Variants in GRID2 observed in about 807,000 individuals in gnomAD.
The protein encoded by GRID2 is glutamate ionotropic receptor delta type subunit 2, also known as glutamate receptor ionotropic, delta-2.
GRID2 carries 33 observed loss-of-function variants against 114.8 expected under a neutral mutation model. That is an observed-to-expected ratio of 0.29 (90% CI 0.22 to 0.38). The LOEUF (loss-of-function observed/expected upper bound fraction) is 0.38. Among genes scored for constraint, GRID2 ranks in the 10% least tolerant of loss-of-function variants. The pLI is 1.00. For missense variants in GRID2, 1,184 were observed against 1,257.7 expected (o/e 0.94, Z 0.89); for synonymous variants, 505 against 449.9 (o/e 1.12, Z -1.55).
intron 1 of GRID2, among the ~76,000 whole-genome samples, chr4:92,434,317 C>T (rs1295173444): frequency 1.3e-5 from 2 of 152,176 alleles, no homozygotes; most frequent in Non-Finnish European, 2.9e-5. Flanking sequence ...GTAACAGAGG[C>T]ATTTCCTCAC....
At chr4:92,330,860 C>T (rs1264051202) in intron 1 of GRID2, among the ~76,000 whole-genome samples, 2 of 152,008 alleles carry the variant, frequency 1.3e-5, no homozygotes, top group African/African-American at 2.4e-5. Flanking sequence ...TTTTCAAACT[C>T]ATCTTCTCAA....
chr4:93,105,021 C>G (rs1386206958), intron 3 of GRID2, among the ~76,000 whole-genome samples: 2 of 151,978 alleles, frequency 1.3e-5, no homozygotes, highest in Non-Finnish European at 1.5e-5. Flanking sequence ...GAGATGGTAT[C>G]TCATTGTGGT....
rs1408380830 is a variant in GRID2 at position 93,042,388 on chromosome 4, G to A, written c.245-42607G>A. Reference sequence around the variant, plus strand: ...ACTTAAAGTATAATTTTATATATATGTGTATATATACATACATACATATAT... The same window carrying A: ...ACTTAAAGTATAATTTTATATATATATGTATATATACATACATACATATAT... On this transcript the variant is annotated intron_variant, in intron 2 of 15. Transcript: ENST00000282020. 5.6e-5 allele frequency among the ~76,000 whole-genome samples: 8 copies of A among 143,920 alleles called. No individual in the cohort carries two copies. In the Admixed American group the frequency reaches 5.7e-4, roughly 10 times the overall value. 94.4% of individuals were successfully genotyped at this position (143,920 alleles called of 152,430 possible). A position where few individuals can be genotyped will look rare whatever the true frequency, so the allele number is the denominator to read the frequency against.
At chr4:92,503,826 A>G (rs1005854459) in intron 1 of GRID2, among the ~76,000 whole-genome samples, 9 of 152,152 alleles carry the variant, frequency 5.9e-5, no homozygotes, top group African/African-American at 2.2e-4. Context: ...AGGGATCTCT[A>G]ACAGATCTAT....
chr4:93,095,060 TAAC>T (rs1300326035), intron 3 of GRID2, among the ~76,000 whole-genome samples: 2 of 151,882 alleles, frequency 1.3e-5, no homozygotes, highest in South Asian at 2.1e-4. Context: ...ATGAGAAAGT[TAAC>T]AAAGTCTAAA....
At chr4:92,718,881 A>C (rs1735675297) in intron 2 of GRID2, among the ~76,000 whole-genome samples, 1 of 152,102 alleles carries the variant, frequency 6.6e-6, no homozygotes, top group African/African-American at 2.4e-5. Flanking sequence ...TTTTTATTAA[A>C]GATTAAAATC....
At chr4:93,722,659 TGGA>T (rs1308363119) in intron 14 of GRID2, among the ~76,000 whole-genome samples, 1 of 152,204 alleles carries the variant, frequency 6.6e-6, no homozygotes, top group Non-Finnish European at 1.5e-5. Flanking sequence ...CCCATATTTA[TGGA>T]TCACTTCCTG....
At chr4:92,985,986 T>C (rs150972740) in intron 2 of GRID2, among the ~76,000 whole-genome samples, 4 of 152,298 alleles carry the variant, frequency 2.6e-5, no homozygotes, top group Non-Finnish European at 4.4e-5. Flanking sequence ...CTCATGCATA[T>C]AACTTATGAG....
intron 11 of GRID2, among the ~76,000 whole-genome samples, chr4:93,478,468 CAT>C (rs757874305): frequency 1.7e-4 from 26 of 151,774 alleles, no homozygotes; most frequent in South Asian, 4.1e-4. Flanking sequence ...TTTGAAATAA[CAT>C]ATTTTTATTT....
chr4:92,455,549 G>C lies in GRID2; in HGVS notation c.89-134582G>C, dbSNP rs138395946. ...GATGTCAGAAGAATGAGGTGTGAGCGAGAGGGAAACCGCACAGGAAGAGCG... is the reference window on the plus strand; with the variant it reads ...GATGTCAGAAGAATGAGGTGTGAGCCAGAGGGAAACCGCACAGGAAGAGCG... On this transcript the variant is annotated intron_variant, in intron 1 of 15. Coordinates refer to ENST00000282020, the MANE Select transcript of GRID2 (RefSeq NM_001510.4). Among the ~76,000 whole-genome samples, 11 of 152,224 alleles carry C rather than the reference G, an allele frequency of 7.2e-5. No individual in the cohort carries two copies. The East Asian group carries it at 2.1e-3, about 29-fold the overall frequency.
rs570373576 is a variant in GRID2, at chr4:93,198,647, G to T, written c.736-8757G>T. Among the ~76,000 whole-genome samples, 76 of 152,162 alleles carry T rather than the reference G, an allele frequency of 5.0e-4. 1 individual carries two copies. Among genetic ancestry groups the T allele is most frequent in the African/African-American group, 1.7e-3 (71 of 41,532 alleles). ...CAAGCATAAGGGTTGGGATAATACTGCCTGGAGTTAGAGAGGTAGGATGGG... is the reference window on the plus strand; with the variant it reads ...CAAGCATAAGGGTTGGGATAATACTTCCTGGAGTTAGAGAGGTAGGATGGG... On this transcript the variant is annotated intron_variant, in intron 4 of 15. Coordinates refer to ENST00000282020, the MANE Select transcript of GRID2 (RefSeq NM_001510.4).
chr4:93,574,673 CCCA>C (rs1736253026), intron 13 of GRID2, among the ~76,000 whole-genome samples: 1 of 152,148 alleles, frequency 6.6e-6, no homozygotes, highest in Non-Finnish European at 1.5e-5. Context: ...TCAATTACCT[CCCA>C]CCAGGTCCCT....
intron 8 of GRID2, among the ~76,000 whole-genome samples, chr4:93,364,487 T>A (rs1264149831): frequency 6.6e-6 from 1 of 152,118 alleles, no homozygotes; most frequent in Non-Finnish European, 1.5e-5. Context: ...AAATTATATT[T>A]AGAGACAAGA....
intron 1 of GRID2, among the ~76,000 whole-genome samples, chr4:93,780,156 A>C (rs1734450658): frequency 1.3e-5 from 2 of 152,200 alleles, no homozygotes; most frequent in Admixed American, 1.3e-4. Context: ...AACAAGGAGC[A>C]AGAAGGCCAG....
intron 2 of GRID2, among the ~76,000 whole-genome samples, chr4:93,070,173 G>A (rs941665007): frequency 3.9e-5 from 6 of 152,056 alleles, no homozygotes; most frequent in African/African-American, 1.4e-4. Flanking sequence ...GAGTCCACAT[G>A]ACTGAGTGAA....
chr4:92,975,705 A>T (rs956649026), intron 2 of GRID2, among the ~76,000 whole-genome samples: 1 of 152,160 alleles, frequency 6.6e-6, no homozygotes, highest in East Asian at 1.9e-4. Context: ...AAGTTTTACA[A>T]CTTATCATAG....
chr4:93,431,566 T>G (rs896288546), intron 10 of GRID2, among the ~76,000 whole-genome samples: 27 of 152,304 alleles, frequency 1.8e-4, no homozygotes, highest in African/African-American at 6.5e-4. Context: ...GCCAGAACTC[T>G]TTTGGTAGCA....
chr4:92,859,983 G>A (rs867137204), intron 2 of GRID2, among the ~76,000 whole-genome samples: 21 of 152,216 alleles, frequency 1.4e-4, no homozygotes, highest in Middle Eastern at 3.4e-3. Context: ...AAATATAGGA[G>A]GGCAAAGCTG....
intron 8 of GRID2, among the ~76,000 whole-genome samples, chr4:93,300,693 C>G (rs1012783965): frequency 1.3e-5 from 2 of 152,198 alleles, no homozygotes; most frequent in East Asian, 1.9e-4. Flanking sequence ...CAAAACCTCT[C>G]AGACACCGAG....
Sources: gnomAD v4.1 joint callset for allele counts (sites outside exome capture counted in the v4.1 genomes callset) on GRCh38, gnomAD v4.1.1 for gene constraint, MANE v1.5 for transcripts, NCBI Gene and HGNC (gene_info 2026-07-23, HGNC 2026-07-21) for gene names.